The following DIAPH2 variants were observed in gnomAD, a reference collection of about 807,000 sequenced individuals.
The protein encoded by DIAPH2 is protein diaphanous homolog 2.
DIAPH2 carries 35 observed loss-of-function variants against 92.7 expected under a neutral mutation model. The ratio of observed to expected loss-of-function variants is 0.38; its 90% CI spans 0.29 to 0.50. The LOEUF is 0.50. DIAPH2 is among the 20% of genes least tolerant of loss of function. The probability of loss-of-function intolerance (pLI) is 0.94; values close to 1 mark genes in which losing one functional copy is unlikely to be tolerated. For synonymous variants in DIAPH2, 301 were observed against 280.4 expected, an observed-to-expected ratio of 1.07 and a Z score of -0.73; for missense variants, 701 against 819.5, an observed-to-expected ratio of 0.86 and a Z score of 1.77.
At chrX:96,976,490 T>C (rs1043114408) in intron 17 of DIAPH2, among the ~76,000 whole-genome samples, 1 of 111,098 alleles carries the variant, frequency 9.0e-6, no homozygotes, top group Non-Finnish European at 1.9e-5. Context: ...TGTTTTTGTA[T>C]ATCACTTTAC....
chrX:96,897,921 T>C (rs1304785075), intron 5 of DIAPH2, among the ~76,000 whole-genome samples: 2 of 75,828 alleles, frequency 2.6e-5, no homozygotes, highest in East Asian at 9.4e-4. Context: ...TTCCCCTTCC[T>C]GTGTCCATGT....
chrX:96,818,937 G>A (rs2064759376), intron 4 of DIAPH2, among the ~76,000 whole-genome samples: 1 of 112,647 alleles, frequency 8.9e-6, no homozygotes, highest in African/African-American at 3.2e-5. Context: ...TTCCACCTCA[G>A]ATCATCAGGC....
At chrX:97,179,216 T>A (rs1407588778) in intron 22 of DIAPH2, among the ~76,000 whole-genome samples, 1 of 108,523 alleles carries the variant, frequency 9.2e-6, no homozygotes, top group African/African-American at 3.4e-5. Context: ...GAGGCTGTGA[T>A]CCTGTACTCT....
At chrX:97,170,288 C>G (rs775918774) in intron 22 of DIAPH2, among the ~76,000 whole-genome samples, 1 of 95,042 alleles carries the variant, frequency 1.1e-5, no homozygotes, top group African/African-American at 3.4e-5. Flanking sequence ...GGGAAGGGGC[C>G]TGGTGTGTGA....
intron 17 of DIAPH2, among the ~76,000 whole-genome samples, chrX:97,033,420 G>C (rs2066389739): frequency 1.8e-5 from 2 of 111,511 alleles, no homozygotes; most frequent in Non-Finnish European, 3.8e-5. Flanking sequence ...CCTTTTGAAA[G>C]GTCATCTCCA....
intron 5 of DIAPH2, among the ~76,000 whole-genome samples, chrX:96,889,921 G>C (rs1321183532): frequency 8.9e-6 from 1 of 112,310 alleles, no homozygotes; most frequent in Non-Finnish European, 1.9e-5. Flanking sequence ...GCTGGAAGCA[G>C]ATAATGTAGA....
At chrX:96,768,827 CAT>C (rs1261776852) in intron 4 of DIAPH2, among the ~76,000 whole-genome samples, 2 of 111,396 alleles carry the variant, frequency 1.8e-5, no homozygotes, top group African/African-American at 3.3e-5. Context: ...TGACTAAAAA[CAT>C]ATGTTAAGCA....
At chrX:97,269,926 G>A (rs1016763113) in intron 23 of DIAPH2, among the ~76,000 whole-genome samples, 16 of 106,291 alleles carry the variant, frequency 1.5e-4, no homozygotes, top group Non-Finnish European at 1.7e-4. Flanking sequence ...CTAATTTTGC[G>A]TTTTGTTTTG....
At chrX:97,383,290 T>A (rs2069568183) in intron 24 of DIAPH2, among the ~76,000 whole-genome samples, 1 of 111,356 alleles carries the variant, frequency 9.0e-6, no homozygotes, top group Admixed American at 9.7e-5. Context: ...TTAGATGTAA[T>A]CATTATCACC....
chrX:97,476,965 A>AT (rs1450202658), intron 26 of DIAPH2, among the ~76,000 whole-genome samples: 625 of 57,798 alleles, frequency 0.011, 25 homozygotes, highest in Non-Finnish European at 0.015. Flanking sequence ...AAAAAAAAAA[A>AT]AAAATATATA....
At chrX:97,084,346 A>T (rs2066768264) in intron 19 of DIAPH2, among the ~76,000 whole-genome samples, 1 of 112,034 alleles carries the variant, frequency 8.9e-6, no homozygotes. Flanking sequence ...TGCTGGTTAC[A>T]TGATAGGCGC....
chrX:96,918,399 A>T, intron 8 of DIAPH2, 110 bp from the exon 9 acceptor site: 2 of 473,621 alleles, frequency 4.2e-6, no homozygotes, highest in Non-Finnish European at 7.0e-6. Flanking sequence ...CTAATGGTAT[A>T]TATAAACATC....
intron 23 of DIAPH2, among the ~76,000 whole-genome samples, chrX:97,332,960 G>A (rs150779087): frequency 0.011 from 1,285 of 112,011 alleles, 19 homozygotes; most frequent in African/African-American, 0.04. Context: ...AATTCACACT[G>A]AGTACAGTTT....
At chrX:96,838,037 C>T (rs769961543) in intron 4 of DIAPH2, among the ~76,000 whole-genome samples, 6 of 111,830 alleles carry the variant, frequency 5.4e-5, no homozygotes, top group Non-Finnish European at 1.1e-4. Flanking sequence ...TGGCAGTAAG[C>T]TCTTGGGCTT....
At chrX:97,429,183 AGTGTTT>A (rs926838104) in intron 25 of DIAPH2, among the ~76,000 whole-genome samples, 1 of 112,491 alleles carries the variant, frequency 8.9e-6, no homozygotes, top group Non-Finnish European at 1.9e-5. Flanking sequence ...TTTTGCAAAT[AGTGTTT>A]TCTAAGATAA....
intron 5 of DIAPH2, among the ~76,000 whole-genome samples, chrX:96,910,987 G>T (rs959219456): frequency 3.6e-5 from 4 of 111,266 alleles, no homozygotes; most frequent in African/African-American, 1.3e-4. Flanking sequence ...AAATGGAGTT[G>T]AGGTTACTTT....
intron 23 of DIAPH2, among the ~76,000 whole-genome samples, chrX:97,295,957 C>T (rs1341623569): frequency 9.0e-6 from 1 of 110,534 alleles, no homozygotes; most frequent in Non-Finnish European, 1.9e-5. Context: ...GTCTCGAACT[C>T]CTAACTTCAG....
At chrX:97,299,668 A>G (rs2068677289) in intron 23 of DIAPH2, among the ~76,000 whole-genome samples, 1 of 112,075 alleles carries the variant, frequency 8.9e-6, no homozygotes, top group Admixed American at 9.6e-5. Context: ...TGACATCAGG[A>G]TGGATATTAT....
intron 26 of DIAPH2, among the ~76,000 whole-genome samples, chrX:97,509,012 G>GTTAGTTATTTAT (rs759416500): frequency 8.8e-5 from 8 of 90,425 alleles, no homozygotes; most frequent in Admixed American, 7.5e-4. Context: ...AGCATACAAA[G>GTTAGTTATTTAT]TTATTTATTT....
Sources: allele counts gnomAD v4.1 joint callset (sites outside exome capture counted in the v4.1 genomes callset), GRCh38; gene constraint gnomAD v4.1.1; transcripts MANE v1.5; gene names NCBI Gene and HGNC (gene_info 2026-07-23, HGNC 2026-07-21).